Variants in AKAP6 observed in about 807,000 individuals in gnomAD.
AKAP6 encodes the protein A-kinase anchor protein 6.
In AKAP6, 58 loss-of-function variants were observed where a neutral mutation model predicts 188.5. The ratio of observed to expected loss-of-function variants is 0.31; its 90% CI spans 0.25 to 0.38. AKAP6 has a LOEUF of 0.38. Ranked by LOEUF, AKAP6 falls within the 10% of genes least tolerant of loss-of-function variation. The pLI is 1.00. For missense variants in AKAP6, 2,710 were observed against 2,740.0 expected (o/e 0.99, Z 0.24); for synonymous variants, 989 against 998.6 (o/e 0.99, Z 0.18).
chr14:32,334,759 A>T (rs1003492914), intron 1 of AKAP6, among the ~76,000 whole-genome samples: 4 of 152,176 alleles, frequency 2.6e-5, no homozygotes, highest in Non-Finnish European at 5.9e-5. Flanking sequence ...ACCGGTCAGT[A>T]ATTGAATTCC....
intron 7 of AKAP6, among the ~76,000 whole-genome samples, chr14:32,626,608 C>T (rs908991244): frequency 3.9e-5 from 6 of 152,054 alleles, no homozygotes; most frequent in Non-Finnish European, 5.9e-5. Flanking sequence ...ACTACTCAGC[C>T]GCAGGTCCAA....
intron 1 of AKAP6, among the ~76,000 whole-genome samples, chr14:32,353,799 T>G (rs1887379649): frequency 6.6e-6 from 1 of 152,076 alleles, no homozygotes. Context: ...TCACAAGCAT[T>G]CTTATACGCC....
chr14:32,710,978 C>A (rs989864653), intron 9 of AKAP6, among the ~76,000 whole-genome samples: 2 of 152,034 alleles, frequency 1.3e-5, no homozygotes, highest in Admixed American at 1.3e-4. Flanking sequence ...GTAGCATGAA[C>A]AGTGACCATG....
intron 7 of AKAP6, among the ~76,000 whole-genome samples, chr14:32,622,408 A>G (rs1964999057): frequency 6.6e-6 from 1 of 152,110 alleles, no homozygotes; most frequent in South Asian, 2.1e-4. Context: ...AGATATAATA[A>G]TAGAGACAAA....
chr14:32,677,011 A>G (rs1219245619), intron 7 of AKAP6, among the ~76,000 whole-genome samples: 2 of 152,098 alleles, frequency 1.3e-5, no homozygotes, highest in Non-Finnish European at 2.9e-5. Context: ...TTTTTAGTAG[A>G]GACGGGGTTT....
chr14:32,722,811 AC>A (rs2030618013), intron 9 of AKAP6, among the ~76,000 whole-genome samples: 1 of 152,106 alleles, frequency 6.6e-6, no homozygotes, highest in Non-Finnish European at 1.5e-5. Flanking sequence ...CATTTGTGTG[AC>A]CTAATTCTTC....
intron 1 of AKAP6, among the ~76,000 whole-genome samples, chr14:32,348,408 C>CTTTTTTTTTTTTTTTTTTTTTTTT (rs1235466012): frequency 1.1e-5 from 1 of 88,734 alleles, no homozygotes; most frequent in African/African-American, 6.5e-5. Flanking sequence ...TCTTTCTTTT[C>CTTTTTTTTTTTTTTTTTTTTTTTT]TTTTGTTTCT....
chr14:32,635,872 G>A (rs1446334386), intron 7 of AKAP6, among the ~76,000 whole-genome samples: 8 of 152,010 alleles, frequency 5.3e-5, no homozygotes, highest in Non-Finnish European at 2.9e-5. Context: ...TCAAAGAATA[G>A]GATATTATAA....
At chr14:32,722,752 GC>G (rs1172925687) in intron 9 of AKAP6, among the ~76,000 whole-genome samples, 2 of 152,136 alleles carry the variant, frequency 1.3e-5, no homozygotes, top group Non-Finnish European at 2.9e-5. Context: ...CCCAGTGAGA[GC>G]CACTTCCATC....
At chr14:32,736,079 T>C (rs755122494) in intron 11 of AKAP6, among the ~76,000 whole-genome samples, 197 bp downstream of exon 11, 2 of 152,180 alleles carry the variant, frequency 1.3e-5, no homozygotes, top group Non-Finnish European at 2.9e-5. Context: ...ATATCACATA[T>C]ACATTGTAGA....
rs1320456539 is a variant in AKAP6, at chr14:32,561,658, C to T, written c.2346+14659C>T. Among the ~76,000 whole-genome samples, 4 of 152,258 alleles carry T rather than the reference C, an allele frequency of 2.6e-5. No homozygotes were observed. In the South Asian group the frequency reaches 8.3e-4, roughly 32 times the overall value. Reference sequence around the variant, plus strand: ...AGGAATGAGCCATTCATGCTGCATTCCTAGCACTGTAATATGACAAGAGCC... The same window carrying T: ...AGGAATGAGCCATTCATGCTGCATTTCTAGCACTGTAATATGACAAGAGCC... On this transcript the variant is annotated intron_variant, in intron 4 of 13. Coordinates refer to ENST00000280979, the MANE Select transcript of AKAP6 (RefSeq NM_004274.5).
chr14:32,760,923 A>G (rs1163483214), intron 11 of AKAP6, among the ~76,000 whole-genome samples: 2 of 152,180 alleles, frequency 1.3e-5, no homozygotes, highest in East Asian at 1.9e-4. Context: ...GCTGTTATGT[A>G]TTGGTTAAAC....
At chr14:32,665,032 T>C (rs142393286) in intron 7 of AKAP6, among the ~76,000 whole-genome samples, 7 of 152,266 alleles carry the variant, frequency 4.6e-5, no homozygotes, top group African/African-American at 1.7e-4. Flanking sequence ...AAGATATGTG[T>C]AGAGAAAACT....
intron 2 of AKAP6, chr14:32,439,104 A>T (rs1890482601): frequency 1.3e-5 from 2 of 152,178 alleles, no homozygotes; most frequent in Admixed American, 1.3e-4. Context: ...TGATTGTGAC[A>T]TGACTCTCAA....
chr14:32,417,225 A>G (rs572094038), intron 1 of AKAP6, among the ~76,000 whole-genome samples: 1 of 152,316 alleles, frequency 6.6e-6, no homozygotes, highest in Non-Finnish European at 1.5e-5. Flanking sequence ...ATAAAGAGAA[A>G]TATTCTAAAT....
At chr14:32,537,099 C>T (rs1882717867) in intron 3 of AKAP6, among the ~76,000 whole-genome samples, 1 of 152,194 alleles carries the variant, frequency 6.6e-6, no homozygotes. Flanking sequence ...CAACACCAAA[C>T]AAATCTGTGC....
At chr14:32,491,152 A>G (rs1016439619) in intron 2 of AKAP6, among the ~76,000 whole-genome samples, 1 of 152,160 alleles carries the variant, frequency 6.6e-6, no homozygotes, top group Admixed American at 6.6e-5. Flanking sequence ...CTTCATATGT[A>G]TCCCACCAGA....
intron 1 of AKAP6, among the ~76,000 whole-genome samples, chr14:32,411,478 A>T (rs1013910611): frequency 1.3e-5 from 2 of 152,114 alleles, no homozygotes; most frequent in Admixed American, 6.5e-5. Flanking sequence ...GGTATCCTTT[A>T]ATCTAGAGAC....
intron 7 of AKAP6, among the ~76,000 whole-genome samples, chr14:32,620,670 T>C (rs1261065410): frequency 6.6e-6 from 1 of 152,130 alleles, no homozygotes; most frequent in Non-Finnish European, 1.5e-5. Context: ...AGGGTAATAC[T>C]GGCTTCATAG....
Sources: allele counts gnomAD v4.1 joint callset (sites outside exome capture counted in the v4.1 genomes callset), GRCh38; gene constraint gnomAD v4.1.1; transcripts MANE v1.5; gene names NCBI Gene and HGNC (gene_info 2026-07-23, HGNC 2026-07-21).